TJP1: variants seen among roughly 807,000 people sequenced by gnomAD.
TJP1 encodes the protein tight junction protein 1, also known as tight junction protein ZO-1.
A neutral mutation model predicts 194.2 loss-of-function variants in TJP1; 43 were observed. The observed-to-expected ratio is 0.22, with a 90% CI of 0.17 to 0.29. The LOEUF (loss-of-function observed/expected upper bound fraction) is 0.29, where lower values mean the gene tolerates loss of function less well. TJP1 is among the 10% of genes least tolerant of loss of function. The probability of loss-of-function intolerance (pLI) is 1.00; values close to 1 mark genes in which losing one functional copy is unlikely to be tolerated. For synonymous variants in TJP1, 801 were observed against 779.0 expected, an observed-to-expected ratio of 1.03 and a Z score of -0.47; for missense variants, 1,971 against 2,185.7, an observed-to-expected ratio of 0.90 and a Z score of 1.96.
At chr15:29,801,211 G>C (rs2048759046) in intron 1 of TJP1, among the ~76,000 whole-genome samples, 1 of 152,112 alleles carries the variant, frequency 6.6e-6, no homozygotes, top group South Asian at 2.1e-4. Flanking sequence ...CCTAGTTTCA[G>C]TTTTGCTACA....
chr15:29,822,453 G>T lies in TJP1; in HGVS notation c.-425C>A. The T allele has an allele frequency of 1.0e-6, 1 of 986,230 alleles. No individual in the cohort carries two copies. Among genetic ancestry groups the T allele is most frequent in the Non-Finnish European group, 1.2e-6 (1 of 830,672 alleles). 61.1% of individuals were successfully genotyped at this position (986,230 alleles called of 1,614,324 possible). On this transcript the variant is annotated 5_prime_UTR_variant, in exon 1 of 28. Transcript: ENST00000614355. ...GCGTCCGCTGGCTCAGCCGGCGCCG[G>T]CAACTCAGCGGCCACGCAAACCTGC...
chr15:29,775,778 AT>A (rs1197432468), intron 2 of TJP1, among the ~76,000 whole-genome samples: 3 of 152,224 alleles, frequency 2.0e-5, no homozygotes, highest in Non-Finnish European at 4.4e-5. Flanking sequence ...ATTCAAATAA[AT>A]TTGAAAACCT....
At chr15:29,853,190 T>C (rs913816338) in intron 2 of TJP1, among the ~76,000 whole-genome samples, 1 of 152,216 alleles carries the variant, frequency 6.6e-6, no homozygotes, top group African/African-American at 2.4e-5. Context: ...TTATAGAACA[T>C]TTTAAAGTGA....
chr15:29,742,607 A>G (rs1014713354), intron 9 of TJP1, 35 bp downstream of exon 9: 1 of 1,512,822 alleles, frequency 6.6e-7, no homozygotes, highest in Non-Finnish European at 8.8e-7. Context: ...TCTACTTGCA[A>G]ATGTTTCTTG....
intron 1 of TJP1, among the ~76,000 whole-genome samples, chr15:29,820,289 A>G (rs2050239215): frequency 6.6e-6 from 1 of 152,046 alleles, no homozygotes; most frequent in South Asian, 2.1e-4. Context: ...TGACTTACGG[A>G]AACAGGTCAC....
chr15:29,911,564 G>A (rs2054013919), intron 2 of TJP1, among the ~76,000 whole-genome samples: 1 of 152,076 alleles, frequency 6.6e-6, no homozygotes, highest in South Asian at 2.1e-4. Context: ...ATCTTCACAT[G>A]GCCAGCAGGA....
chr15:29,949,454 ACCACTT>A (rs2055476636), intron 2 of TJP1, among the ~76,000 whole-genome samples: 2 of 122,716 alleles, frequency 1.6e-5, no homozygotes, highest in East Asian at 5.3e-4. Flanking sequence ...CACCTTCACC[ACCACTT>A]CCACCACCAC....
At chr15:29,709,431 T>A (rs1241290414) in intron 24 of TJP1, among the ~76,000 whole-genome samples, 1 of 152,214 alleles carries the variant, frequency 6.6e-6, no homozygotes, top group Non-Finnish European at 1.5e-5. Flanking sequence ...AACCGAAAAG[T>A]CTGATGATGC....
At chr15:29,871,696 T>A (rs1445422154) in intron 2 of TJP1, among the ~76,000 whole-genome samples, 1 of 152,186 alleles carries the variant, frequency 6.6e-6, no homozygotes, top group Non-Finnish European at 1.5e-5. Context: ...GGCATTCCCG[T>A]GAGTCCAGCC....
intron 2 of TJP1, among the ~76,000 whole-genome samples, chr15:29,924,787 G>A (rs1311420379): frequency 1.4e-5 from 2 of 144,996 alleles, no homozygotes; most frequent in African/African-American, 5.1e-5. Context: ...CCTAAACGGA[G>A]ATCTTAACCC....
chr15:29,901,820 C>CAAA (rs35491657), intron 2 of TJP1, among the ~76,000 whole-genome samples: 96 of 119,978 alleles, frequency 8.0e-4, no homozygotes, highest in African/African-American at 2.7e-3. Context: ...GACTCTATCT[C>CAAA]AAAAAAAAAA....
chr15:29,929,598 G>A (rs1480535605), intron 2 of TJP1, among the ~76,000 whole-genome samples: 1 of 152,166 alleles, frequency 6.6e-6, no homozygotes, highest in African/African-American at 2.4e-5. Context: ...TCAGGAGGCT[G>A]AGGCAGAAGA....
At chr15:29,958,326 G>C (rs956952728) in intron 1 of TJP1, among the ~76,000 whole-genome samples, 2 of 150,582 alleles carry the variant, frequency 1.3e-5, no homozygotes, top group African/African-American at 4.9e-5. Context: ...TTTAACTCTG[G>C]ATAAGTAGCA....
intron 2 of TJP1, among the ~76,000 whole-genome samples, chr15:29,913,212 C>T (rs150607101): frequency 8.0e-4 from 121 of 151,638 alleles, no homozygotes; most frequent in Non-Finnish European, 1.4e-3. Context: ...GGGTAGAATA[C>T]GGAGGACTTA....
intron 18 of TJP1, among the ~76,000 whole-genome samples, chr15:29,723,376 T>C (rs992477280): frequency 3.3e-5 from 5 of 152,170 alleles, no homozygotes; most frequent in African/African-American, 9.7e-5. Context: ...TGTTTAAAAG[T>C]GTGTAGTACT....
chr15:29,922,930 G>GA (rs569602988), intron 2 of TJP1, among the ~76,000 whole-genome samples: 104 of 151,602 alleles, frequency 6.9e-4, no homozygotes, highest in Non-Finnish European at 1.3e-3. Context: ...AATTCTAAAA[G>GA]AAAAAACACA....
chr15:29,823,129 T>G (rs2152026727), upstream of TJP1: 3 of 152,306 alleles, frequency 2.0e-5, no homozygotes, highest in South Asian at 6.2e-4. Flanking sequence ...TCAAGATATA[T>G]CCAAAGTCTC....
chr15:29,877,889 G>C (rs1426681332), intron 2 of TJP1, among the ~76,000 whole-genome samples: 1 of 151,876 alleles, frequency 6.6e-6, no homozygotes, highest in African/African-American at 2.4e-5. Flanking sequence ...GGCTGGTCTT[G>C]AACTCCTGAA....
rs764564117 is a variant in TJP1, at chr15:29,708,646, C to T, written c.4763G>A (p.Ser1588Asn). Residue 1588 changes from serine (S) to asparagine (N), a missense_variant, in exon 25 of 28, where the codon AGT becomes AAT. Around this residue, in one of 5 missense-constraint regions of TJP1, gnomAD observed 1,108 missense variants for 1,128.5 expected, o/e 0.98. Transcript: ENST00000614355. ...ATGGATAGAGAAAGTTTCAACTCCA[C>T]TGTCAAACTCAGGAGGCTGTGCCAA... ...HSLAQPPEFD[S>N]GVETFSIHAE... 9.5e-5 allele frequency: 153 copies of T among 1,614,112 alleles called. 1 individual carries two copies. Among genetic ancestry groups the T allele is most frequent in the Non-Finnish European group, 1.2e-4 (140 of 1,180,046 alleles).
Sources: allele counts gnomAD v4.1 joint callset (sites outside exome capture counted in the v4.1 genomes callset), GRCh38; gene constraint gnomAD v4.1.1; regional missense constraint gnomAD v4.1.1; transcripts MANE v1.5; gene names NCBI Gene and HGNC (gene_info 2026-07-23, HGNC 2026-07-21).